Variants in NPR3 observed in about 807,000 individuals in gnomAD.
NPR3 encodes natriuretic peptide receptor 3, also known as atrial natriuretic peptide receptor 3.
Under a neutral mutation model 54.5 loss-of-function variants are expected in NPR3, and 34 were observed. That is an observed-to-expected ratio of 0.62 (90% CI 0.47 to 0.83). NPR3 has a LOEUF of 0.83. NPR3 is among the 40% of genes least tolerant of loss of function. The pLI is 0.00. For synonymous variants in NPR3, 289 were observed against 297.1 expected (o/e 0.97, Z 0.28); for missense variants, 674 against 720.8 (o/e 0.94, Z 0.74).
At chr5:32,773,123 C>T (rs1173742) in intron 3 of NPR3, among the ~76,000 whole-genome samples, 327 of 152,214 alleles carry the variant, frequency 2.1e-3, no homozygotes, top group African/African-American at 7.5e-3. Context: ...AGAGATGGGG[C>T]GGGTAGCAGG....
rs562957004 is a variant in NPR3 at position 32,728,070 on chromosome 5, G to A, written c.892+3250G>A. On this transcript the variant is annotated intron_variant, in intron 2 of 7. Transcript: ENST00000265074. ...CACCATGGCATTCTTGGAATCAAGT[G>A]TACTTTGTCATGATGATTTTTCAAA... Among the ~76,000 whole-genome samples, 168 of 152,320 alleles carry A rather than the reference G, an allele frequency of 1.1e-3. 2 individuals are homozygous for A. Among genetic ancestry groups the A allele is most frequent in the African/African-American group, 3.9e-3 (163 of 41,556 alleles).
intron 1 of NPR3, among the ~76,000 whole-genome samples, chr5:32,719,433 G>A (rs1443131721): frequency 6.6e-6 from 1 of 152,098 alleles, no homozygotes; most frequent in Non-Finnish European, 1.5e-5. Context: ...TAGTATTCTA[G>A]GTTGGAAATA....
intron 3 of NPR3, among the ~76,000 whole-genome samples, chr5:32,753,114 C>T (rs973587860): frequency 2.6e-5 from 4 of 152,130 alleles, no homozygotes; most frequent in African/African-American, 9.7e-5. Flanking sequence ...AGCCACAATA[C>T]CTGTGAAAAA....
intron 3 of NPR3, among the ~76,000 whole-genome samples, chr5:32,760,800 G>A (rs1741127457): frequency 6.6e-6 from 1 of 151,820 alleles, no homozygotes; most frequent in South Asian, 2.1e-4. Flanking sequence ...CTTCATGAAA[G>A]TTTTGGCTTT....
At chr5:32,759,930 G>C (rs949194034) in intron 3 of NPR3, among the ~76,000 whole-genome samples, 1 of 151,996 alleles carries the variant, frequency 6.6e-6, no homozygotes, top group Non-Finnish European at 1.5e-5. Flanking sequence ...GTTGAATATT[G>C]GCCCCCACTC....
intron 1 of NPR3, among the ~76,000 whole-genome samples, chr5:32,702,152 T>C (rs759504992): frequency 1.2e-4 from 19 of 152,182 alleles, no homozygotes; most frequent in Non-Finnish European, 2.6e-4. Flanking sequence ...GGTTCAGAGA[T>C]GCCATCCAGG....
At chr5:32,711,269 C>CA, upstream of NPR3, 1 of 954,762 alleles carries the variant, frequency 1.0e-6, no homozygotes, top group Non-Finnish European at 1.2e-6. Context: ...TGTGTGGTAA[C>CA]ACGCTCAGCC....
chr5:32,745,195 G>C (rs1283275329), intron 3 of NPR3, among the ~76,000 whole-genome samples: 1 of 152,184 alleles, frequency 6.6e-6, no homozygotes, highest in East Asian at 1.9e-4. Context: ...ATGGGAAATA[G>C]TGTGGGGATA....
At chr5:32,764,266 C>T (rs1334124179) in intron 3 of NPR3, among the ~76,000 whole-genome samples, 2 of 152,076 alleles carry the variant, frequency 1.3e-5, no homozygotes, top group African/African-American at 2.4e-5. Flanking sequence ...GGAATTACCC[C>T]CTTGATATCA....
chr5:32,758,957 T>G (rs1741000428), intron 3 of NPR3, among the ~76,000 whole-genome samples: 1 of 152,248 alleles, frequency 6.6e-6, no homozygotes, highest in Non-Finnish European at 1.5e-5. Flanking sequence ...GATTGCACTG[T>G]GGTCCGAGAG....
At position 32,712,440 on chromosome 5, in the gene NPR3, G is replaced by T; in HGVS notation, c.664G>T (p.Glu222Ter). ...NCYFTLEGVH[E>*]VFQEEGLHTS... ...CTACTTCACCCTCGAGGGGGTCCAC[G>T]AGGTCTTCCAGGAGGAGGGTTTGCA... Residue 222 changes from glutamate (E) to a stop codon, truncating the protein, a stop_gained, in exon 1 of 8, where the codon GAG becomes TAG. Transcript: ENST00000265074. LOFTEE classifies it high-confidence loss of function. 6.2e-7 allele frequency: 1 copy of T among 1,611,926 alleles called. No individual in the cohort carries two copies.
intron 3 of NPR3, among the ~76,000 whole-genome samples, chr5:32,765,458 T>A (rs749544255): frequency 2.1e-4 from 32 of 152,284 alleles, no homozygotes; most frequent in Non-Finnish European, 4.1e-4. Flanking sequence ...TGGCATGCTA[T>A]GGGCAGGCAC....
chr5:32,735,872 A>G (rs1739713270), intron 2 of NPR3, among the ~76,000 whole-genome samples: 2 of 152,210 alleles, frequency 1.3e-5, no homozygotes, highest in Non-Finnish European at 2.9e-5. Flanking sequence ...ATGGTTGGGA[A>G]TAGATACCTA....
upstream of NPR3, chr5:32,710,267 G>C (rs1738140141): frequency 6.5e-6 from 1 of 153,084 alleles, no homozygotes; most frequent in African/African-American, 2.4e-5. Context: ...AGTGCCTCGA[G>C]CGCTCCAGAG....
chr5:32,728,833 G>GCGTA (rs1739276153), intron 2 of NPR3, among the ~76,000 whole-genome samples: 1 of 64,074 alleles, frequency 1.6e-5, no homozygotes, highest in African/African-American at 6.6e-5. Flanking sequence ...GTGTGTGTGT[G>GCGTA]TGTGTATATA....
At chr5:32,729,107 G>A (rs1429074608) in intron 2 of NPR3, among the ~76,000 whole-genome samples, 15 of 133,226 alleles carry the variant, frequency 1.1e-4, no homozygotes, top group African/African-American at 3.4e-4. Context: ...TCGGCTCACT[G>A]CAAGCTCCGC....
chr5:32,744,145 G>A (rs556382311), intron 3 of NPR3, among the ~76,000 whole-genome samples: 15 of 151,796 alleles, frequency 9.9e-5, no homozygotes, highest in African/African-American at 1.9e-4. Context: ...GGCACGTGCC[G>A]CCACGCCTGG....
intron 3 of NPR3, among the ~76,000 whole-genome samples, chr5:32,755,001 C>T (rs2111992605): frequency 6.6e-6 from 1 of 152,320 alleles, no homozygotes; most frequent in South Asian, 2.1e-4. Context: ...GCTGGGACTA[C>T]AGGCGCCCGC....
At chr5:32,724,054 C>T (rs1420577315) in intron 1 of NPR3, among the ~76,000 whole-genome samples, 1 of 152,122 alleles carries the variant, frequency 6.6e-6, no homozygotes. Flanking sequence ...CTGTGTACTT[C>T]CTAAGAACAA....
Sources: allele counts gnomAD v4.1 joint callset (sites outside exome capture counted in the v4.1 genomes callset), GRCh38; gene constraint gnomAD v4.1.1; transcripts MANE v1.5; gene names NCBI Gene and HGNC (gene_info 2026-07-23, HGNC 2026-07-21).